PARD3: variants seen among roughly 807,000 people sequenced by gnomAD.
PARD3 encodes partitioning defective 3 homolog.
PARD3 carries 75 observed loss-of-function variants against 155.4 expected under a neutral mutation model. The ratio of observed to expected loss-of-function variants is 0.48; its 90% confidence interval spans 0.40 to 0.58. PARD3 has a LOEUF of 0.58. Ranked by LOEUF, PARD3 falls within the 20% of genes least tolerant of loss-of-function variation. The pLI is 0.00. For missense variants in PARD3, 1,642 were observed against 1,721.7 expected (o/e 0.95, Z 0.82); for synonymous variants, 576 against 610.5 (o/e 0.94, Z 0.83).
chr10:34,201,105 A>C (rs1402639976), intron 22 of PARD3, among the ~76,000 whole-genome samples: 1 of 152,222 alleles, frequency 6.6e-6, no homozygotes, highest in Admixed American at 6.5e-5. Context: ...AGAGACAGAC[A>C]GAACTGGGTT....
intron 1 of PARD3, among the ~76,000 whole-genome samples, chr10:34,813,890 G>A (rs4934671): frequency 0.19 from 29,281 of 152,184 alleles, 3,021 homozygotes; most frequent in South Asian, 0.34. Flanking sequence ...CCGGGTGCTT[G>A]GGAGAAACTT....
At chr10:34,800,550 G>A (rs4934661) in intron 1 of PARD3, among the ~76,000 whole-genome samples, 33,265 of 151,074 alleles carry the variant, frequency 0.22, 3,747 homozygotes, top group South Asian at 0.34. Context: ...GGCAGAGCTT[G>A]CAGTGAGCCG....
chr10:34,283,539 T>C (rs1317333665), intron 21 of PARD3, among the ~76,000 whole-genome samples: 2 of 152,110 alleles, frequency 1.3e-5, no homozygotes, highest in African/African-American at 4.8e-5. Flanking sequence ...CTTTAAGTTC[T>C]CAACATGGAA....
chr10:34,320,958 A>C (rs1589166371), intron 19 of PARD3, among the ~76,000 whole-genome samples: 1 of 152,234 alleles, frequency 6.6e-6, no homozygotes, highest in African/African-American at 2.4e-5. Flanking sequence ...ATGTACAAAC[A>C]TAAGATGTTC....
At chr10:34,622,387 T>C (rs557627073) in intron 2 of PARD3, among the ~76,000 whole-genome samples, 2 of 152,308 alleles carry the variant, frequency 1.3e-5, no homozygotes, top group South Asian at 4.1e-4. Context: ...CAAAGGGACA[T>C]CAGATAAGCA....
chr10:34,381,260 C>T lies in PARD3; in HGVS notation c.1399+1280G>A, dbSNP rs115363119. On this transcript the variant is annotated intron_variant, in intron 9 of 24. Coordinates refer to ENST00000374788, the MANE Select transcript of PARD3 (RefSeq NM_001184785.2). Reference sequence around the variant, plus strand: ...ACTAGTAAGAATCTGTGGCCAACAGCCACATGACCTGAGGAAATAATGAAC... The same window carrying T: ...ACTAGTAAGAATCTGTGGCCAACAGTCACATGACCTGAGGAAATAATGAAC... 2.3e-3 allele frequency among the ~76,000 whole-genome samples: 344 copies of T among 152,248 alleles called. 1 individual carries two copies. The highest frequency in any genetic ancestry group is 8.0e-3 in the African/African-American group (333 of 41,554).
At chr10:34,622,632 G>A (rs1191713487) in intron 2 of PARD3, among the ~76,000 whole-genome samples, 2 of 152,116 alleles carry the variant, frequency 1.3e-5, no homozygotes, top group African/African-American at 4.8e-5. Context: ...TGGAAACACT[G>A]AATAAATTAC....
intron 1 of PARD3, among the ~76,000 whole-genome samples, chr10:34,715,349 G>A (rs1408635555): frequency 1.3e-5 from 2 of 152,066 alleles, no homozygotes; most frequent in Admixed American, 6.6e-5. Flanking sequence ...AAGTGCTGAG[G>A]ACTGCACCCG....
chr10:34,810,502 A>T (rs1031261207), intron 1 of PARD3, among the ~76,000 whole-genome samples: 1 of 152,106 alleles, frequency 6.6e-6, no homozygotes, highest in Non-Finnish European at 1.5e-5. Flanking sequence ...CCAATAATCA[A>T]CCTGTAATCA....
chr10:34,726,348 G>A (rs2094710874), intron 1 of PARD3, among the ~76,000 whole-genome samples: 1 of 152,224 alleles, frequency 6.6e-6, no homozygotes, highest in Non-Finnish European at 1.5e-5. Context: ...CACTTTGGAA[G>A]GCCAAGGAGG....
chr10:34,678,390 A>G (rs2093751623), intron 2 of PARD3, among the ~76,000 whole-genome samples: 1 of 152,182 alleles, frequency 6.6e-6, no homozygotes, highest in Non-Finnish European at 1.5e-5. Context: ...ATTTTTCAGA[A>G]AAAAATATTT....
At chr10:34,132,988 A>G (rs1035536703) in intron 22 of PARD3, among the ~76,000 whole-genome samples, 2 of 151,996 alleles carry the variant, frequency 1.3e-5, no homozygotes, top group African/African-American at 4.8e-5. Flanking sequence ...TGGATGGCCA[A>G]ACTCCAGGGG....
chr10:34,693,371 T>C (rs1286256769), intron 2 of PARD3, among the ~76,000 whole-genome samples: 1 of 151,878 alleles, frequency 6.6e-6, no homozygotes, highest in Non-Finnish European at 1.5e-5. Flanking sequence ...AGTGGTAGAG[T>C]GGATAAAGAA....
At chr10:34,466,259 C>T (rs1421430699) in intron 4 of PARD3, among the ~76,000 whole-genome samples, 2 of 152,124 alleles carry the variant, frequency 1.3e-5, no homozygotes, top group Non-Finnish European at 2.9e-5. Context: ...CCCTCGGCCT[C>T]TTCAGGCCCT....
At chr10:34,757,027 T>A (rs893900106) in intron 1 of PARD3, among the ~76,000 whole-genome samples, 3 of 152,240 alleles carry the variant, frequency 2.0e-5, no homozygotes, top group African/African-American at 7.2e-5. Flanking sequence ...ACATAATGTC[T>A]TGAATATCTG....
At position 34,328,362 on chromosome 10, in the gene PARD3, G is replaced by A. The variant is rs187884715; in HGVS notation, c.2833+2755C>T. Among the ~76,000 whole-genome samples the A allele has an allele frequency of 5.9e-4, 90 of 152,258 alleles. 1 individual carries two copies. Among genetic ancestry groups the A allele is most frequent in the Admixed American group, 3.1e-3 (48 of 15,302 alleles). The stretch of plus-strand genomic sequence containing the variant: ...CCTCGCAAAAGGTGAGGGGGTTAGC[G>A]TGCCAGAAGTAGGGCAGTGAGGGGG... On this transcript the variant is annotated intron_variant, in intron 19 of 24. Transcript: ENST00000374788.
At chr10:34,311,589 C>T (rs541722380) in intron 20 of PARD3, among the ~76,000 whole-genome samples, 1 of 152,174 alleles carries the variant, frequency 6.6e-6, no homozygotes, top group African/African-American at 2.4e-5. Flanking sequence ...CAGACTCTTT[C>T]CAGAAACATT....
intron 22 of PARD3, among the ~76,000 whole-genome samples, chr10:34,137,787 G>A (rs1318350393): frequency 6.6e-6 from 1 of 152,158 alleles, no homozygotes; most frequent in Non-Finnish European, 1.5e-5. Context: ...GTGGAGCCTG[G>A]CCTAGATCAG....
intron 14 of PARD3, among the ~76,000 whole-genome samples, chr10:34,358,505 T>A (rs1295575294): frequency 1.3e-5 from 2 of 152,076 alleles, no homozygotes; most frequent in Admixed American, 1.3e-4. Flanking sequence ...CTATTGATAA[T>A]CTCACAAGAG....
Sources: allele counts gnomAD v4.1 joint callset (sites outside exome capture counted in the v4.1 genomes callset), GRCh38; gene constraint gnomAD v4.1.1; transcripts MANE v1.5; gene names NCBI Gene and HGNC (gene_info 2026-07-23, HGNC 2026-07-21).